Variants in DGKI observed in about 807,000 individuals in gnomAD.
DGKI encodes diacylglycerol kinase iota, also known as DAG kinase iota.
DGKI carries 55 observed loss-of-function variants against 147.5 expected under a neutral mutation model. That is an observed-to-expected ratio of 0.37 (90% CI 0.30 to 0.47). DGKI has a LOEUF of 0.47. DGKI is among the 20% of genes least tolerant of loss of function. DGKI has a pLI of 1.00. For synonymous variants in DGKI, 469 were observed against 477.1 expected (o/e 0.98, Z 0.22); for missense variants, 1,007 against 1,323.8 (o/e 0.76, Z 3.71).
chr7:137,777,932 A>G (rs1585479959), intron 1 of DGKI, among the ~76,000 whole-genome samples: 1 of 152,232 alleles, frequency 6.6e-6, no homozygotes, highest in African/African-American at 2.4e-5. Context: ...AAATGCAACC[A>G]TCATGTGGCT....
rs1217784191 is a variant in DGKI, at chr7:137,838,547, T to G, written c.401+7915A>C. Among the ~76,000 whole-genome samples the G allele has an allele frequency of 2.0e-5, 3 of 152,346 alleles. No homozygotes were observed. The South Asian group carries it at 6.2e-4, about 32-fold the overall frequency. ...TATTTTTCCTTACAAGCCTGACATC[T>G]TTCTCATGTACAAAGGAATGACACA... is the stretch of plus-strand genomic sequence containing the variant. On this transcript the variant is annotated intron_variant, in intron 1 of 32. Coordinates refer to ENST00000614521, the MANE Select transcript of DGKI (RefSeq NM_001321708.2).
At chr7:137,563,801 T>C (rs954493845) in intron 19 of DGKI, among the ~76,000 whole-genome samples, 5 of 152,092 alleles carry the variant, frequency 3.3e-5, no homozygotes. Context: ...AATACCTAAA[T>C]AAATGGAGAA....
chr7:137,625,048 G>A lies in DGKI; in HGVS notation c.805-1494C>T, dbSNP rs117218020. Among the ~76,000 whole-genome samples, 146 of 152,222 alleles carry A rather than the reference G, an allele frequency of 9.6e-4. 1 individual carries two copies. The highest frequency in any genetic ancestry group is 6.2e-3 in the East Asian group (32 of 5,182). On this transcript the variant is annotated intron_variant, in intron 6 of 32. Coordinates refer to ENST00000614521, the MANE Select transcript of DGKI (RefSeq NM_001321708.2). Reference sequence around the variant, plus strand: ...CCACTTCCAGAGACATGACCTTAACGTCAGACTCTCCTGGGTTTTGAAAAA... The same window carrying A: ...CCACTTCCAGAGACATGACCTTAACATCAGACTCTCCTGGGTTTTGAAAAA...
In DGKI at chr7:137,382,551, T is replaced by A. The variant is rs1393725786; in HGVS notation, c.*8669A>T. The A allele has an allele frequency of 2.6e-5, 4 of 152,098 alleles. No individual in the cohort carries two copies. The highest frequency in any genetic ancestry group is 9.7e-5 in the African/African-American group (4 of 41,444). 9.4% of individuals were successfully genotyped at this position (152,098 alleles called of 1,614,324 possible). The stretch of plus-strand genomic sequence containing the variant: ...CATAAACTGAAATTTTCACAACTAA[T>A]ACCCCTTGAAGCCACTTTGAACAAA... On this transcript the variant is annotated 3_prime_UTR_variant, in exon 33 of 33. Transcript: ENST00000614521.
In DGKI at chr7:137,389,832, A is replaced by C. The variant is rs1375028332; in HGVS notation, c.*1388T>G. On this transcript the variant is annotated 3_prime_UTR_variant, in exon 33 of 33. Transcript: ENST00000614521. The stretch of plus-strand genomic sequence containing the variant: ...GGTGGTTTGCACTAAGGACTTTCTG[A>C]AAAGGGAAAAATAAAGTAGATAAAA... 1.3e-5 allele frequency: 2 copies of C among 152,152 alleles called. No individual in the cohort carries two copies. Among genetic ancestry groups the C allele is most frequent in the African/African-American group, 4.8e-5 (2 of 41,434 alleles). 9.4% of individuals were successfully genotyped at this position (152,152 alleles called of 1,614,324 possible).
chr7:137,723,691 T>A (rs1316232984), intron 1 of DGKI, among the ~76,000 whole-genome samples: 1 of 147,924 alleles, frequency 6.8e-6, no homozygotes. Flanking sequence ...TAAGGTATCA[T>A]GATATCCCTT....
At chr7:137,681,302 C>T (rs1823227997) in intron 2 of DGKI, among the ~76,000 whole-genome samples, 1 of 152,202 alleles carries the variant, frequency 6.6e-6, no homozygotes, top group Non-Finnish European at 1.5e-5. Flanking sequence ...ATAGGCTTCA[C>T]CTCACAGTCA....
chr7:137,432,118 C>T (rs1435122122), intron 28 of DGKI, among the ~76,000 whole-genome samples: 1 of 152,342 alleles, frequency 6.6e-6, no homozygotes, highest in African/African-American at 2.4e-5. Flanking sequence ...CCTGCTTCCC[C>T]TTCGCCTTCT....
chr7:137,477,957 A>C (rs2128932171), intron 23 of DGKI, among the ~76,000 whole-genome samples: 1 of 152,312 alleles, frequency 6.6e-6, no homozygotes, highest in African/African-American at 2.4e-5. Context: ...CACTGCGCCC[A>C]GCTACATTTG....
intron 15 of DGKI, among the ~76,000 whole-genome samples, chr7:137,579,058 C>T (rs1381019620): frequency 2.6e-5 from 4 of 152,006 alleles, no homozygotes; most frequent in East Asian, 1.9e-4. Context: ...TATTAATTGC[C>T]TATTTTTATG....
chr7:137,424,419 G>C (rs189993464), intron 28 of DGKI, among the ~76,000 whole-genome samples: 1 of 152,144 alleles, frequency 6.6e-6, no homozygotes, highest in Non-Finnish European at 1.5e-5. Context: ...CAAGGTGGCC[G>C]AATATGAACA....
chr7:137,768,083 T>C (rs758781085), intron 1 of DGKI, among the ~76,000 whole-genome samples: 5 of 152,124 alleles, frequency 3.3e-5, no homozygotes, highest in Non-Finnish European at 4.4e-5. Context: ...GATCTACATA[T>C]ATGAGGAAGC....
intron 25 of DGKI, among the ~76,000 whole-genome samples, chr7:137,466,632 T>C (rs1814672543): frequency 6.6e-6 from 1 of 152,166 alleles, no homozygotes; most frequent in South Asian, 2.1e-4. Context: ...AATATCTTTG[T>C]GAATGAAAAT....
chr7:137,623,422 T>A (rs1209025469), intron 7 of DGKI, 61 bp downstream of exon 7: 1 of 1,477,164 alleles, frequency 6.8e-7, no homozygotes, highest in Non-Finnish European at 9.5e-7. Context: ...ACTCAAATAA[T>A]GACACAAGTG....
At position 137,626,322 on chromosome 7, in the gene DGKI, GACACACACAC is replaced by G. The variant is rs111591226; in HGVS notation, c.805-2778_805-2769del. On this transcript the variant is annotated intron_variant, in intron 6 of 32. Transcript: ENST00000614521. ...TCCCAAGAAGAAAAAAAGTGCTTCT[GACACACACAC>G]ACACACACACACACACACACACACA... 2.8e-3 allele frequency among the ~76,000 whole-genome samples: 387 copies of G among 139,130 alleles called. 2 individuals are homozygous for G. The highest frequency in any genetic ancestry group is 6.4e-3 in the Admixed American group (87 of 13,696). The allele number at this position is 139,130 out of a possible 152,430, so 91.3% of individuals were successfully genotyped here. A position where few individuals can be genotyped will look rare whatever the true frequency, so the allele number is the denominator to read the frequency against.
intron 8 of DGKI, among the ~76,000 whole-genome samples, chr7:137,615,371 C>A (rs6948128): frequency 6.6e-6 from 1 of 152,030 alleles, no homozygotes; most frequent in Non-Finnish European, 1.5e-5. Context: ...AAATGGATCA[C>A]GGTGGATTCA....
chr7:137,434,315 C>T (rs564965023), intron 28 of DGKI, among the ~76,000 whole-genome samples: 3 of 152,304 alleles, frequency 2.0e-5, no homozygotes, highest in East Asian at 1.9e-4. Flanking sequence ...CATGGTGGCT[C>T]ATGCCTGTAA....
rs796902464 is a variant in DGKI at position 137,691,798 on chromosome 7, G to GTTTTTTTTTTTTTTTTTT, written c.402-1814_402-1797dup. Among the ~76,000 whole-genome samples, 89 of 95,786 alleles carry GTTTTTTTTTTTTTTTTTT rather than the reference G, an allele frequency of 9.3e-4. 3 individuals carry two copies. The highest frequency in any genetic ancestry group is 3.2e-3 in the African/African-American group (83 of 25,614). 62.8% of individuals were successfully genotyped at this position (95,786 alleles called of 152,430 possible). A position where few individuals can be genotyped will look rare whatever the true frequency, so the allele number is the denominator to read the frequency against. ...GCTCAGCAAGTGTCTAGACCTTTGGGTTTTTTTTTTTTTTTTTTTTTTTAA... is the reference window on the plus strand; with the variant it reads ...GCTCAGCAAGTGTCTAGACCTTTGGGTTTTTTTTTTTTTTTTTTTTTTTTTTTTTTTTTTTTTTTTTAA... On this transcript the variant is annotated intron_variant, in intron 1 of 32. Coordinates refer to ENST00000614521, the MANE Select transcript of DGKI (RefSeq NM_001321708.2).
At chr7:137,461,520 G>A (rs931982600) in intron 27 of DGKI, among the ~76,000 whole-genome samples, 1 of 152,122 alleles carries the variant, frequency 6.6e-6, no homozygotes, top group Non-Finnish European at 1.5e-5. Flanking sequence ...AAAAGTTAAA[G>A]AATTAATTAA....
Sources: gnomAD v4.1 joint callset for allele counts (sites outside exome capture counted in the v4.1 genomes callset) on GRCh38, gnomAD v4.1.1 for gene constraint, MANE v1.5 for transcripts, NCBI Gene and HGNC (gene_info 2026-07-23, HGNC 2026-07-21) for gene names.